Variants in PHACTR4 observed in about 807,000 individuals in gnomAD.
PHACTR4 encodes phosphatase and actin regulator 4, also known as protein phosphatase 1, regulatory subunit 124.
Under a neutral mutation model 72.7 loss-of-function variants are expected in PHACTR4, and 51 were observed. The observed-to-expected ratio is 0.70, with a 90% confidence interval of 0.56 to 0.89. The LOEUF is 0.89. Ranked by LOEUF, PHACTR4 falls within the 40% of genes least tolerant of loss-of-function variation. The pLI is 0.00. For missense variants in PHACTR4, 731 were observed against 861.8 expected (o/e 0.85, Z 1.90); for synonymous variants, 255 against 302.5 (o/e 0.84, Z 1.63).
intron 1 of PHACTR4, among the ~76,000 whole-genome samples, chr1:28,406,812 C>T (rs964224550): frequency 6.6e-6 from 1 of 152,100 alleles, no homozygotes; most frequent in African/African-American, 2.4e-5. Flanking sequence ...TCTTTTGAAA[C>T]GTTTTTTGTT....
chr1:28,375,143 A>G (rs1158347436), intron 1 of PHACTR4, among the ~76,000 whole-genome samples: 2 of 152,168 alleles, frequency 1.3e-5, no homozygotes, highest in Admixed American at 6.6e-5. Context: ...TACTAAAAAT[A>G]AAACAATTAG....
At chr1:28,410,416 C>T (rs574663909) in intron 2 of PHACTR4, among the ~76,000 whole-genome samples, 4 of 152,282 alleles carry the variant, frequency 2.6e-5, no homozygotes, top group East Asian at 3.9e-4. Context: ...TAGGTTTGTA[C>T]TGGAAACCTA....
chr1:28,411,335 G>A (rs1030796286), intron 2 of PHACTR4, among the ~76,000 whole-genome samples: 2 of 152,080 alleles, frequency 1.3e-5, no homozygotes, highest in South Asian at 2.1e-4. Context: ...GTGTGAGCCC[G>A]GCCTGAGATT....
chr1:28,377,787 C>T (rs1026562618), intron 1 of PHACTR4, among the ~76,000 whole-genome samples: 6 of 149,004 alleles, frequency 4.0e-5, no homozygotes, highest in African/African-American at 1.2e-4. Flanking sequence ...GCCGTAATTG[C>T]GCCACTGCAC....
intron 7 of PHACTR4, among the ~76,000 whole-genome samples, chr1:28,475,788 A>C (rs1659881388): frequency 6.9e-6 from 1 of 144,866 alleles, no homozygotes. Flanking sequence ...ATGTAGTGGC[A>C]CAATCTCGGT....
intron 2 of PHACTR4, among the ~76,000 whole-genome samples, chr1:28,441,204 ACTT>A (rs1250982879): frequency 1.3e-5 from 2 of 152,016 alleles, no homozygotes; most frequent in Admixed American, 6.6e-5. Flanking sequence ...ATTAAGGCAT[ACTT>A]CTTTTTTTTT....
intron 2 of PHACTR4, chr1:28,457,297 T>G (rs759691131): frequency 4.5e-6 from 2 of 448,562 alleles, no homozygotes; most frequent in South Asian, 3.2e-5. Context: ...AAATACCTAG[T>G]TTTAAAAGAG....
intron 2 of PHACTR4, among the ~76,000 whole-genome samples, chr1:28,423,463 C>T (rs1054462334): frequency 6.0e-5 from 9 of 151,056 alleles, no homozygotes; most frequent in South Asian, 2.1e-4. Flanking sequence ...AAATATCTTG[C>T]GCTCTCATAA....
In PHACTR4 at chr1:28,499,318, AG is replaced by A. The variant is rs1395972306; in HGVS notation, c.*2770del. 6.6e-6 allele frequency: 1 copy of A among 151,684 alleles called. No homozygotes were observed. 9.4% of individuals were successfully genotyped at this position (151,684 alleles called of 1,614,324 possible). ...GCCTGGCTAATTTTATATTTCTAGT[AG>A]AGATGAGGTTTCTCCATGTTGGTCA... On this transcript the variant is annotated 3_prime_UTR_variant, in exon 14 of 14. Transcript: ENST00000373839.
intron 2 of PHACTR4, among the ~76,000 whole-genome samples, chr1:28,443,151 C>T (rs910400569): frequency 6.6e-5 from 10 of 152,006 alleles, no homozygotes; most frequent in Non-Finnish European, 1.3e-4. Flanking sequence ...TTTTTTTTAG[C>T]TTCTATGTAT....
At chr1:28,434,494 G>C (rs1298562697) in intron 2 of PHACTR4, among the ~76,000 whole-genome samples, 1 of 151,846 alleles carries the variant, frequency 6.6e-6, no homozygotes, top group African/African-American at 2.4e-5. Context: ...GCTAATTTTT[G>C]TATTTTTAGT....
rs759224347 is a variant in PHACTR4 at position 28,460,220 on chromosome 1, C to A, written c.199C>A (p.Arg67=). ...TTCCAATTTAATGTTAGTTTTAGAA[C>A]GGAAAATATCTATGCGAAAGCCAAG... ...KFKETSEVLE[R]KISMRKPREE... The change falls in exon 4 of 14, where the codon CGG becomes AGG. Residue 67 remains arginine, a synonymous_variant. Transcript: ENST00000373839. 8 of 1,612,092 alleles carry A rather than the reference C, an allele frequency of 5.0e-6. No homozygotes were observed. The highest frequency in any genetic ancestry group is 1.6e-4 in the Middle Eastern group (1 of 6,082).
chr1:28,451,002 T>TTTTTTTTTTTTTTTTTTTTTTTTTTAA (rs1657925273), intron 2 of PHACTR4, among the ~76,000 whole-genome samples: 1 of 146,064 alleles, frequency 6.8e-6, no homozygotes, highest in African/African-American at 2.6e-5. Context: ...TTTGTATTTT[T>TTTTTTTTTTTTTTTTTTTTTTTTTTAA]AGTAGAAACA....
chr1:28,418,446 A>T (rs1655263893), intron 2 of PHACTR4, among the ~76,000 whole-genome samples: 2 of 152,050 alleles, frequency 1.3e-5, no homozygotes, highest in Non-Finnish European at 2.9e-5. Flanking sequence ...GCGCCACTGC[A>T]CTCTGGACTG....
intron 9 of PHACTR4, among the ~76,000 whole-genome samples, chr1:28,485,676 G>C (rs887725944): frequency 7.2e-6 from 1 of 139,446 alleles, no homozygotes; most frequent in Non-Finnish European, 1.6e-5. Context: ...CGAGGCAGGC[G>C]TATCACGAGG....
chr1:28,423,244 C>G (rs937760426), intron 2 of PHACTR4, among the ~76,000 whole-genome samples: 2 of 151,944 alleles, frequency 1.3e-5, no homozygotes, highest in Non-Finnish European at 2.9e-5. Flanking sequence ...CTTGTCTTGA[C>G]AAAAAATAAA....
At chr1:28,402,576 AC>A (rs1654019659) in intron 1 of PHACTR4, among the ~76,000 whole-genome samples, 1 of 152,006 alleles carries the variant, frequency 6.6e-6, no homozygotes, top group Admixed American at 6.6e-5. Context: ...ACATAGTGAG[AC>A]CCCGTCTCTA....
At chr1:28,415,420 T>C (rs550291693) in intron 2 of PHACTR4, among the ~76,000 whole-genome samples, 12 of 152,358 alleles carry the variant, frequency 7.9e-5, no homozygotes, top group African/African-American at 2.9e-4. Flanking sequence ...TTCGTGCTTC[T>C]GCTTTCTTCC....
chr1:28,461,135 A>G (rs996855162), intron 4 of PHACTR4, among the ~76,000 whole-genome samples: 2 of 152,036 alleles, frequency 1.3e-5, no homozygotes, highest in African/African-American at 4.8e-5. Context: ...ATGAGGCAAA[A>G]TCTGAAAGCC....
Sources: gnomAD v4.1 joint callset for allele counts (sites outside exome capture counted in the v4.1 genomes callset) on GRCh38, gnomAD v4.1.1 for gene constraint, MANE v1.5 for transcripts, NCBI Gene and HGNC (gene_info 2026-07-23, HGNC 2026-07-21) for gene names.